The following TANC2 variants were observed in gnomAD, a reference collection of about 807,000 sequenced individuals.
The protein encoded by TANC2 is tetratricopeptide repeat, ankyrin repeat and coiled-coil containing 2.
A neutral mutation model predicts 210.5 loss-of-function variants in TANC2; 26 were observed. That is an observed-to-expected ratio of 0.12 (90% CI 0.09 to 0.17). TANC2 has a LOEUF of 0.17. TANC2 is among the 10% of genes least tolerant of loss of function. The pLI is 1.00. For missense variants in TANC2, 2,129 were observed against 2,608.9 expected (o/e 0.82, Z 4.01); for synonymous variants, 931 against 967.1 (o/e 0.96, Z 0.69).
intron 8 of TANC2, among the ~76,000 whole-genome samples, chr17:63,241,646 G>C (rs1252302384): frequency 2.6e-5 from 4 of 152,136 alleles, no homozygotes; most frequent in African/African-American, 7.2e-5. Context: ...CAATCCCAAC[G>C]TTCATTCTAA....
chr17:63,417,150 A>G (rs1437632146), intron 26 of TANC2, among the ~76,000 whole-genome samples: 3 of 152,180 alleles, frequency 2.0e-5, no homozygotes, highest in Admixed American at 6.5e-5. Flanking sequence ...GCGGTTGTTA[A>G]TCACCTCCTG....
intron 6 of TANC2, 82 bp from the exon 7 acceptor site, chr17:63,200,689 C>A: frequency 8.0e-7 from 1 of 1,254,960 alleles, no homozygotes; most frequent in South Asian, 1.6e-5. Flanking sequence ...TTTTTTTTTT[C>A]ATCAAAGCAT....
chr17:63,147,749 T>A (rs1238929196), intron 4 of TANC2, among the ~76,000 whole-genome samples: 1 of 152,230 alleles, frequency 6.6e-6, no homozygotes, highest in Admixed American at 6.5e-5. Context: ...GTTGTCTAAC[T>A]TAGACCATTT....
At chr17:63,151,306 G>T in exon 5 of TANC2, 4 of 985,580 alleles carry the variant, frequency 4.1e-6, no homozygotes, top group Non-Finnish European at 4.8e-6. Context: ...GAGAGCCCAC[G>T]AATTCCAGAA....
intron 7 of TANC2, among the ~76,000 whole-genome samples, chr17:63,215,957 T>C (rs747120988): frequency 3.3e-5 from 5 of 152,140 alleles, no homozygotes; most frequent in Admixed American, 2.6e-4. Flanking sequence ...TTCACCGTGT[T>C]AGCCAGGATG....
At chr17:63,398,733 C>G in intron 18 of TANC2, 88 bp from the exon 19 acceptor site, 4 of 805,400 alleles carry the variant, frequency 5.0e-6, no homozygotes, top group Non-Finnish European at 8.0e-6. Flanking sequence ...ATACTTGGAT[C>G]ATCCAAGCAT....
intron 1 of TANC2, among the ~76,000 whole-genome samples, chr17:62,993,368 G>T (rs969064377): frequency 1.3e-5 from 2 of 152,170 alleles, no homozygotes; most frequent in Non-Finnish European, 2.9e-5. Flanking sequence ...AAGGAAAGTA[G>T]CTGGGAGTTT....
At chr17:63,356,512 T>C (rs1472493596) in intron 14 of TANC2, among the ~76,000 whole-genome samples, 1 of 152,216 alleles carries the variant, frequency 6.6e-6, no homozygotes, top group Non-Finnish European at 1.5e-5. Flanking sequence ...CAGGCCTTAT[T>C]AGAGACAACT....
chr17:63,271,795 A>T (rs936346878), intron 9 of TANC2, among the ~76,000 whole-genome samples: 5 of 149,516 alleles, frequency 3.3e-5, no homozygotes, highest in Non-Finnish European at 7.5e-5. Flanking sequence ...AAATTAATTT[A>T]AATTTAATTA....
chr17:63,153,696 A>G (rs973816204), intron 5 of TANC2: 2 of 152,198 alleles, frequency 1.3e-5, no homozygotes, highest in Non-Finnish European at 2.9e-5. Flanking sequence ...TTCAGTGAAC[A>G]ATGCTGAAAG....
intron 14 of TANC2, among the ~76,000 whole-genome samples, chr17:63,374,385 C>T (rs757989546): frequency 6.6e-6 from 1 of 152,144 alleles, no homozygotes; most frequent in African/African-American, 2.4e-5. Flanking sequence ...ATTATTTACT[C>T]ATCCATTCTG....
At chr17:63,238,018 T>C in exon 8 of TANC2, 1 of 1,561,646 alleles carries the variant, frequency 6.4e-7, no homozygotes, top group Non-Finnish European at 8.7e-7. Flanking sequence ...GAAACAGTGT[T>C]ATCTCAATCA....
intron 3 of TANC2, among the ~76,000 whole-genome samples, chr17:63,078,735 A>G (rs944675149): frequency 6.6e-6 from 1 of 152,120 alleles, no homozygotes; most frequent in African/African-American, 2.4e-5. Flanking sequence ...CTTAAATTTC[A>G]TTGTGATCAG....
At chr17:63,105,990 T>TA (rs2037808868) in intron 4 of TANC2, among the ~76,000 whole-genome samples, 1 of 151,624 alleles carries the variant, frequency 6.6e-6, no homozygotes, top group Non-Finnish European at 1.5e-5. Flanking sequence ...TACTAAGACT[T>TA]TTAAGCTCTT....
intron 1 of TANC2, among the ~76,000 whole-genome samples, chr17:62,992,066 T>G (rs1473421286): frequency 2.6e-5 from 4 of 152,236 alleles, no homozygotes; most frequent in Non-Finnish European, 5.9e-5. Context: ...TTAGGTGTTA[T>G]AAGAATCTAG....
chr17:63,147,351 CAAAAAAA>C (rs953050541), intron 4 of TANC2, among the ~76,000 whole-genome samples: 74 of 148,922 alleles, frequency 5.0e-4, no homozygotes, highest in African/African-American at 1.7e-3. Flanking sequence ...CCCTGTCTCA[CAAAAAAA>C]AAGAAAAAAG....
At chr17:63,004,879 CT>C in intron 1 of TANC2, 1 of 320,622 alleles carries the variant, frequency 3.1e-6, no homozygotes. Context: ...AGCAGACAAC[CT>C]TGTGGATTTT....
At chr17:62,967,299 T>A (rs2031405731) in intron 1 of TANC2, 1 of 152,180 alleles carries the variant, frequency 6.6e-6, no homozygotes, top group Non-Finnish European at 1.5e-5. Flanking sequence ...AAGCTATTTT[T>A]TTTGAGGTAG....
intron 3 of TANC2, among the ~76,000 whole-genome samples, chr17:63,076,982 C>T (rs2144681521): frequency 6.6e-6 from 1 of 152,212 alleles, no homozygotes; most frequent in African/African-American, 2.4e-5. Context: ...AAGAAATCAT[C>T]AAGATGATTC....
Sources: gnomAD v4.1 joint callset for allele counts (sites outside exome capture counted in the v4.1 genomes callset) on GRCh38, gnomAD v4.1.1 for gene constraint, MANE v1.5 for transcripts, NCBI Gene and HGNC (gene_info 2026-07-23, HGNC 2026-07-21) for gene names.